The following SRD5A2 variants were observed in gnomAD, a reference collection of about 807,000 sequenced individuals.
SRD5A2 encodes the protein 3-oxo-5-alpha-steroid 4-dehydrogenase 2.
Under a neutral mutation model 27.4 loss-of-function variants are expected in SRD5A2, and 30 were observed. The observed-to-expected ratio is 1.10, with a 90% confidence interval of 0.82 to 1.49. SRD5A2 has a LOEUF of 1.49. Ranked by LOEUF, SRD5A2 falls within the 40% of genes most tolerant of loss-of-function variation. The pLI is 0.00. For missense variants in SRD5A2, 348 were observed against 323.4 expected, an observed-to-expected ratio of 1.08 and a Z score of -0.58; for synonymous variants, 141 against 133.6, an observed-to-expected ratio of 1.06 and a Z score of -0.38.
intron 1 of SRD5A2, among the ~76,000 whole-genome samples, chr2:31,560,795 A>G (rs1478414564): frequency 6.6e-6 from 1 of 152,158 alleles, no homozygotes; most frequent in East Asian, 1.9e-4. Flanking sequence ...AGAGCTTGTC[A>G]CACATTACTT....
chr2:31,595,866 G>C, the SRD5A2 span, among the ~76,000 whole-genome samples: 1 of 152,118 alleles, frequency 6.6e-6, no homozygotes, highest in South Asian at 2.1e-4. Flanking sequence ...ATAATCAAGT[G>C]GGTTTCATAG....
chr2:31,637,037 A>G, the SRD5A2 span, among the ~76,000 whole-genome samples: 3 of 152,070 alleles, frequency 2.0e-5, no homozygotes, highest in African/African-American at 7.2e-5. Flanking sequence ...AAAAGTTTGA[A>G]TAGAACTGGT....
upstream of SRD5A2, chr2:31,581,077 C>G: frequency 1.5e-6 from 1 of 664,538 alleles, no homozygotes; most frequent in Non-Finnish European, 2.5e-6. Context: ...AGCAATACCC[C>G]TTTCTCAAGG....
the SRD5A2 span, among the ~76,000 whole-genome samples, chr2:31,631,775 A>G: frequency 6.6e-6 from 1 of 152,240 alleles, no homozygotes; most frequent in African/African-American, 2.4e-5. Context: ...AGTCAGGTCA[A>G]TGATAGGATG....
the SRD5A2 span, among the ~76,000 whole-genome samples, chr2:31,653,604 T>C: frequency 6.6e-6 from 1 of 152,220 alleles, no homozygotes; most frequent in African/African-American, 2.4e-5. Flanking sequence ...TGTCACCCTT[T>C]GTCCTCTTGC....
At chr2:31,631,721 C>T in the SRD5A2 span, among the ~76,000 whole-genome samples, 2 of 152,164 alleles carry the variant, frequency 1.3e-5, no homozygotes, top group Non-Finnish European at 2.9e-5. Flanking sequence ...GAAAGAAGTG[C>T]TGCCATAACT....
At chr2:31,626,648 T>C in the SRD5A2 span, among the ~76,000 whole-genome samples, 1 of 152,188 alleles carries the variant, frequency 6.6e-6, no homozygotes. Flanking sequence ...GTTTATATGA[T>C]GGATTACATT....
chr2:31,615,190 G>C, the SRD5A2 span, among the ~76,000 whole-genome samples: 1 of 152,228 alleles, frequency 6.6e-6, no homozygotes, highest in Non-Finnish European at 1.5e-5. Context: ...GGTAATGGTA[G>C]AGTGGGGTGC....
upstream of SRD5A2, among the ~76,000 whole-genome samples, chr2:31,581,273 G>A (rs182907679): frequency 9.7e-4 from 147 of 152,298 alleles, no homozygotes; most frequent in African/African-American, 3.2e-3. Flanking sequence ...TTCAGCTGGG[G>A]TGGTTCTTCC....
chr2:31,650,321 G>A, the SRD5A2 span, among the ~76,000 whole-genome samples: 1 of 152,116 alleles, frequency 6.6e-6, no homozygotes, highest in Non-Finnish European at 1.5e-5. Context: ...AAAAGTGAGG[G>A]ATGGGCAAAA....
chr2:31,637,689 T>G, the SRD5A2 span, among the ~76,000 whole-genome samples: 1 of 152,056 alleles, frequency 6.6e-6, no homozygotes, highest in Non-Finnish European at 1.5e-5. Flanking sequence ...ATAAACTTAC[T>G]TTGTTTCACC....
rs1417037762 is a variant in SRD5A2 at position 31,576,723 on chromosome 2, A to G, written c.281+3897T>C. Among the ~76,000 whole-genome samples, 4 of 51,844 alleles carry G rather than the reference A, an allele frequency of 7.7e-5. 2 individuals are homozygous for G. Among genetic ancestry groups the G allele is most frequent in the South Asian group, 1.3e-3 (2 of 1,598 alleles). 34.0% of individuals were successfully genotyped at this position (51,844 alleles called of 152,430 possible). On this transcript the variant is annotated intron_variant, in intron 1 of 4. Coordinates refer to ENST00000622030, the MANE Select transcript of SRD5A2 (RefSeq NM_000348.4). ...ATATGTTTATTGTGGCACTATTCACAATAGCAAAGACTTGGAACCAACCCA... is the reference window on the plus strand; with the variant it reads ...ATATGTTTATTGTGGCACTATTCACGATAGCAAAGACTTGGAACCAACCCA...
chr2:31,629,236 C>T, the SRD5A2 span, among the ~76,000 whole-genome samples: 2 of 152,128 alleles, frequency 1.3e-5, no homozygotes, highest in African/African-American at 4.8e-5. Context: ...AGAGCTATAA[C>T]ACTCACTGTA....
the SRD5A2 span, among the ~76,000 whole-genome samples, chr2:31,649,143 T>C: frequency 6.6e-6 from 1 of 152,220 alleles, no homozygotes; most frequent in African/African-American, 2.4e-5. Flanking sequence ...AGTGGATAAC[T>C]GGTTAGCAGT....
At chr2:31,550,694 G>T (rs1050024181) in intron 1 of SRD5A2, among the ~76,000 whole-genome samples, 4 of 151,932 alleles carry the variant, frequency 2.6e-5, no homozygotes, top group African/African-American at 9.6e-5. Context: ...TTCTATTAAT[G>T]ATAAAATTAT....
the SRD5A2 span, among the ~76,000 whole-genome samples, chr2:31,619,973 G>T: frequency 6.6e-6 from 1 of 152,026 alleles, no homozygotes. Context: ...TTTTGTTCTT[G>T]TTACAATTGC....
chr2:31,571,005 G>A (rs1290843615), intron 1 of SRD5A2, among the ~76,000 whole-genome samples: 3 of 152,046 alleles, frequency 2.0e-5, no homozygotes, highest in Non-Finnish European at 4.4e-5. Context: ...ATTCTTCACA[G>A]AATTAGAAAA....
chr2:31,632,403 C>T, the SRD5A2 span, among the ~76,000 whole-genome samples: 1 of 152,324 alleles, frequency 6.6e-6, no homozygotes, highest in South Asian at 2.1e-4. Context: ...TCCCCCTGTC[C>T]ATGCCCCTTA....
chr2:31,548,170 T>A (rs1332474071), intron 1 of SRD5A2, among the ~76,000 whole-genome samples: 1 of 152,118 alleles, frequency 6.6e-6, no homozygotes, highest in Non-Finnish European at 1.5e-5. Flanking sequence ...AAAAGCATCA[T>A]GATACTGTAT....
Sources: allele counts gnomAD v4.1 joint callset (sites outside exome capture counted in the v4.1 genomes callset), GRCh38; gene constraint gnomAD v4.1.1; transcripts MANE v1.5; gene names NCBI Gene and HGNC (gene_info 2026-07-23, HGNC 2026-07-21).